The following MED13 variants were observed in gnomAD, a reference collection of about 807,000 sequenced individuals.
MED13 encodes mediator complex subunit 13.
MED13 carries 23 observed loss-of-function variants against 225.2 expected under a neutral mutation model. The observed-to-expected ratio is 0.10, with a 90% CI of 0.07 to 0.14. MED13 has a LOEUF of 0.14. Among genes scored for constraint, MED13 ranks in the 10% least tolerant of loss-of-function variants. The probability of loss-of-function intolerance (pLI) is 1.00; values close to 1 mark genes in which losing one functional copy is unlikely to be tolerated. For synonymous variants in MED13, 942 were observed against 889.2 expected (o/e 1.06, Z -1.06); for missense variants, 2,197 against 2,594.5 (o/e 0.85, Z 3.33).
At chr17:61,955,092 T>C (rs1357150264) in intron 26 of MED13, among the ~76,000 whole-genome samples, 1 of 152,142 alleles carries the variant, frequency 6.6e-6, no homozygotes, top group Non-Finnish European at 1.5e-5. Context: ...GTCAGCAACA[T>C]AGCATCTTCT....
At chr17:62,030,598 T>C (rs991866982) in intron 6 of MED13, 2 of 152,230 alleles carry the variant, frequency 1.3e-5, no homozygotes, top group Non-Finnish European at 1.5e-5. Context: ...CCAAACACTT[T>C]AGTGTTCTCA....
At chr17:62,019,101 C>T (rs1361138108) in intron 8 of MED13, among the ~76,000 whole-genome samples, 1 of 152,182 alleles carries the variant, frequency 6.6e-6, no homozygotes, top group Non-Finnish European at 1.5e-5. Context: ...TATTAAAATA[C>T]TCTCTTCCCT....
chr17:62,064,359 G>C (rs1311618771), intron 1 of MED13, among the ~76,000 whole-genome samples: 1 of 152,090 alleles, frequency 6.6e-6, no homozygotes, highest in African/African-American at 2.4e-5. Flanking sequence ...CCTACATCCC[G>C]CTTCTCTCGA....
At chr17:62,020,685 CTTTT>C (rs78598460) in intron 8 of MED13, among the ~76,000 whole-genome samples, 1 of 100,786 alleles carries the variant, frequency 9.9e-6, no homozygotes, top group South Asian at 3.5e-4. Context: ...GGCCTGCTTT[CTTTT>C]TTTTTTTTTT....
Position 61,992,525 on chromosome 17 carries a change from A to G in MED13, c.2263+15T>C, listed in dbSNP as rs778362517. On this transcript the variant is annotated intron_variant, in intron 11 of 29. Transcript: ENST00000397786. ...CCTGGAATGCAATATTTTCATTAGG[A>G]AATAAAGATTTTACCTTGCTTGATA... 1.3e-4 allele frequency: 203 copies of G among 1,543,010 alleles called. No individual in the cohort carries two copies. Among genetic ancestry groups the G allele is most frequent in the Non-Finnish European group, 1.7e-4 (195 of 1,116,504 alleles).
In MED13 at chr17:62,010,662, T is replaced by C. The variant is rs1480955822; in HGVS notation, c.1855A>G (p.Lys619Glu). ...DEANIAWKYYKFPKKKDVEFL... is the reference protein window; with the variant it reads ...DEANIAWKYYEFPKKKDVEFL... ...TCTACATCTTTTTTCTTTGGGAACTTGTAATACTTCCAGGCTATATTGGCT... is the reference window on the plus strand; with the variant it reads ...TCTACATCTTTTTTCTTTGGGAACTCGTAATACTTCCAGGCTATATTGGCT... The change falls in exon 9 of 30, where the codon AAG (lysine) becomes GAG (glutamate). Residue 619 changes from lysine (K) to glutamate (E), a missense_variant. Lys to Glu is a moderately conservative substitution (Grantham distance 56). Around this residue, in one of 12 missense-constraint regions of MED13, gnomAD observed 884 missense variants for 918.5 expected, o/e 0.96. Coordinates refer to ENST00000397786, the MANE Select transcript of MED13 (RefSeq NM_005121.3). The C allele has an allele frequency of 6.6e-7, 1 of 1,507,924 alleles. No individual in the cohort carries two copies. Among genetic ancestry groups the C allele is most frequent in the South Asian group, 1.4e-5 (1 of 72,800 alleles). The allele number at this position is 1,507,924 out of a possible 1,614,324, so 93.4% of individuals were successfully genotyped here.
intron 8 of MED13, among the ~76,000 whole-genome samples, chr17:62,015,858 ATAGT>A (rs1393081988): frequency 2.5e-4 from 25 of 100,738 alleles, no homozygotes; most frequent in African/African-American, 9.2e-4. Context: ...ATATATGTGT[ATAGT>A]GTGTATGTGT....
Position 62,014,405 on chromosome 17 carries a change from C to T in MED13, c.1284-3172G>A, listed in dbSNP as rs190274732. ...GATCTCAGCTCACCACAACCTCTGG[C>T]TCCTGCGTTCAAGCGATTCTCCCAC... is the stretch of plus-strand genomic sequence containing the variant. On this transcript the variant is annotated intron_variant, in intron 8 of 29. Transcript: ENST00000397786. 3.0e-3 allele frequency among the ~76,000 whole-genome samples: 462 copies of T among 151,922 alleles called. 2 individuals are homozygous for T. The highest frequency in any genetic ancestry group is 5.0e-3 in the Non-Finnish European group (341 of 68,018).
In MED13 at chr17:62,010,913, G is replaced by C. The variant is rs760768932; in HGVS notation, c.1604C>G (p.Pro535Arg). 1 of 1,612,992 alleles carries C rather than the reference G, an allele frequency of 6.2e-7. No individual in the cohort carries two copies. The highest frequency in any genetic ancestry group is 8.5e-7 in the Non-Finnish European group (1 of 1,179,030). Residue 535 changes from proline (P) to arginine (R), a missense_variant, in exon 9 of 30, where the codon CCA becomes CGA. Around this residue, in one of 12 missense-constraint regions of MED13, gnomAD observed 884 missense variants for 918.5 expected, o/e 0.96. Transcript: ENST00000397786. ...CACATCACAAGGGTGAGGACTAAGTGGGGGTGGTTGAGGTGAATTTGCCAT... is the reference window on the plus strand; with the variant it reads ...CACATCACAAGGGTGAGGACTAAGTCGGGGTGGTTGAGGTGAATTTGCCAT... ...TEMANSPQPP[P>R]LSPHPCDVVD...
At chr17:61,977,092 T>G (rs1370813153) in intron 16 of MED13, among the ~76,000 whole-genome samples, 2 of 152,246 alleles carry the variant, frequency 1.3e-5, no homozygotes, top group African/African-American at 2.4e-5. Context: ...ACTGTGTTCA[T>G]TATTCTAGGT....
chr17:62,005,417 C>T (rs921688497), intron 9 of MED13: 22 of 152,090 alleles, frequency 1.4e-4, no homozygotes, highest in Admixed American at 6.5e-5. Context: ...ACCAGCCTCG[C>T]CAACATGGTG....
At chr17:62,051,905 G>A (rs982173154) in intron 3 of MED13, among the ~76,000 whole-genome samples, 11 of 152,142 alleles carry the variant, frequency 7.2e-5, no homozygotes, top group Admixed American at 2.0e-4. Flanking sequence ...CTAAATCACG[G>A]AGAAGCGAGT....
chr17:61,961,141 T>C (rs1308254442), intron 22 of MED13, 51 bp from the exon 23 acceptor site: 3 of 1,372,114 alleles, frequency 2.2e-6, no homozygotes, highest in Non-Finnish European at 3.0e-6. Context: ...CTTAGAGAAA[T>C]ATTGCATTTA....
At position 61,984,191 on chromosome 17, in the gene MED13, T is replaced by C; in HGVS notation, c.2868A>G (p.Ser956=). ...CATACCCCTCTTTGATGAATGGCATTGAAGGCCCTGAAGAAAGCAATTCCA... is the reference window on the plus strand; with the variant it reads ...CATACCCCTCTTTGATGAATGGCATCGAAGGCCCTGAAGAAAGCAATTCCA... ...GKLELLSSGP[S]MPFIKEGDGS... The change falls in exon 15 of 30, where the codon TCA becomes TCG. Residue 956 remains serine (S), a synonymous_variant. Coordinates refer to ENST00000397786, the MANE Select transcript of MED13 (RefSeq NM_005121.3). The C allele has an allele frequency of 6.3e-7, 1 of 1,579,420 alleles. No individual in the cohort carries two copies. Among genetic ancestry groups the C allele is most frequent in the Non-Finnish European group, 8.6e-7 (1 of 1,164,970 alleles).
At chr17:62,019,736 TTC>T (rs1266950789) in intron 8 of MED13, among the ~76,000 whole-genome samples, 2 of 151,394 alleles carry the variant, frequency 1.3e-5, no homozygotes, top group Non-Finnish European at 1.5e-5. Context: ...ACAATTGAAT[TTC>T]TTTTTTTCTT....
At chr17:61,993,188 C>G (rs1005288991) in intron 10 of MED13, among the ~76,000 whole-genome samples, 1 of 133,392 alleles carries the variant, frequency 7.5e-6, no homozygotes, top group Non-Finnish European at 1.5e-5. Context: ...CATGTTCTTT[C>G]TTTCTTTCTT....
intron 9 of MED13, among the ~76,000 whole-genome samples, chr17:61,997,757 C>A (rs2143528964): frequency 6.6e-6 from 1 of 152,248 alleles, no homozygotes; most frequent in South Asian, 2.1e-4. Context: ...CTGAAAGACA[C>A]TACTACTCTC....
At chr17:61,995,497 AGG>A in intron 9 of MED13, 132 bp from the exon 10 acceptor site, 1 of 598,494 alleles carries the variant, frequency 1.7e-6, no homozygotes, top group Non-Finnish European at 2.7e-6. Flanking sequence ...TTCAGAAATG[AGG>A]AGGCATGAAA....
chr17:62,048,046 A>ATACATATATATATATG (rs2080915821), intron 3 of MED13, among the ~76,000 whole-genome samples: 2 of 108,732 alleles, frequency 1.8e-5, no homozygotes, highest in African/African-American at 6.5e-5. Context: ...ACATATACAT[A>ATACATATATATATATG]TATATATATA....
Sources: gnomAD v4.1 joint callset for allele counts (sites outside exome capture counted in the v4.1 genomes callset) on GRCh38, gnomAD v4.1.1 for gene constraint, gnomAD v4.1.1 regional missense constraint, MANE v1.5 for transcripts, NCBI Gene and HGNC (gene_info 2026-07-23, HGNC 2026-07-21) for gene names.